The following ASB1 variants were observed in gnomAD, a reference collection of about 807,000 sequenced individuals.
ASB1 encodes the protein ankyrin repeat and SOCS box protein 1.
In ASB1, 18 loss-of-function variants were observed where a neutral mutation model predicts 27.7. The observed-to-expected ratio is 0.65, with a 90% CI of 0.45 to 0.96. The LOEUF is 0.96. Ranked by LOEUF, ASB1 falls within the 50% of genes least tolerant of loss-of-function variation. The pLI, the probability that ASB1 is intolerant of heterozygous loss-of-function variation, is 0.00. For synonymous variants in ASB1, 189 were observed against 187.6 expected, an observed-to-expected ratio of 1.01 and a Z score of -0.06; for missense variants, 397 against 451.7, an observed-to-expected ratio of 0.88 and a Z score of 1.10.
At chr2:238,434,288 C>G (rs1701926105) in intron 2 of ASB1, among the ~76,000 whole-genome samples, 1 of 152,244 alleles carries the variant, frequency 6.6e-6, no homozygotes, top group African/African-American at 2.4e-5. Context: ...TGATGCTTGC[C>G]CTTCCCTCTC....
intron 3 of ASB1, among the ~76,000 whole-genome samples, chr2:238,439,561 C>T (rs1179465694): frequency 6.6e-6 from 1 of 152,202 alleles, no homozygotes; most frequent in Non-Finnish European, 1.5e-5. Context: ...CTGCTCCCCA[C>T]ATATTGTCCT....
intron 3 of ASB1, among the ~76,000 whole-genome samples, chr2:238,441,379 C>T (rs1216347469): frequency 6.6e-6 from 1 of 152,286 alleles, no homozygotes; most frequent in Non-Finnish European, 1.5e-5. Flanking sequence ...AAGTGATCTG[C>T]CTGCCTTGGC....
intron 2 of ASB1, 23 bp downstream of exon 2, chr2:238,433,718 G>C: frequency 6.2e-7 from 1 of 1,612,620 alleles, no homozygotes; most frequent in Non-Finnish European, 8.5e-7. Context: ...GCCCAGGGCT[G>C]GTCCGGGTAC....
Position 238,452,153 on chromosome 2 carries a change from A to C in ASB1, c.*5642A>C, listed in dbSNP as rs980424011. 2 of 152,202 alleles carry C rather than the reference A, an allele frequency of 1.3e-5. No homozygotes were observed. The highest frequency in any genetic ancestry group is 1.5e-5 in the Non-Finnish European group (1 of 68,044). The allele number at this position is 152,202 out of a possible 1,614,324, so 9.4% of individuals were successfully genotyped here. A position where few individuals can be genotyped will look rare whatever the true frequency, so the allele number is the denominator to read the frequency against. ...GTTGTTTTTGGCCCCCTGTTGTTAC[A>C]TGGGACCTGTTTTGACGGTGGGAGG... is the stretch of plus-strand genomic sequence containing the variant. On this transcript the variant is annotated 3_prime_UTR_variant, in exon 5 of 5. Coordinates refer to ENST00000264607, the MANE Select transcript of ASB1 (RefSeq NM_001040445.3).
intron 1 of ASB1, among the ~76,000 whole-genome samples, chr2:238,432,266 G>A (rs1701884588): frequency 6.6e-6 from 1 of 152,096 alleles, no homozygotes; most frequent in Non-Finnish European, 1.5e-5. Context: ...TATTTTTTGT[G>A]ACATCTGATA....
intron 1 of ASB1, among the ~76,000 whole-genome samples, chr2:238,428,376 C>T (rs1701803175): frequency 6.6e-6 from 1 of 152,136 alleles, no homozygotes; most frequent in South Asian, 2.1e-4. Flanking sequence ...CTGCAGCCTC[C>T]GCCTCGGGGG....
At chr2:238,428,581 G>A (rs1701807883) in intron 1 of ASB1, among the ~76,000 whole-genome samples, 1 of 152,234 alleles carries the variant, frequency 6.6e-6, no homozygotes, top group Admixed American at 6.5e-5. Context: ...ACAGGCGGCA[G>A]CCACCACACT....
chr2:238,429,423 A>C (rs911966294), intron 1 of ASB1, among the ~76,000 whole-genome samples: 2 of 152,318 alleles, frequency 1.3e-5, no homozygotes, highest in African/African-American at 4.8e-5. Flanking sequence ...TTTCCTAATA[A>C]GTATCTGATT....
chr2:238,427,115 C>T lies in ASB1; in HGVS notation c.45C>T (p.Ser15=), dbSNP rs1349109618. ...CAGACGGGCGGGCAGGGCCGGGCTC[C>T]GCAGGTAACGTGCGCGCGGCCACTG... ...GSPDGRAGPG[S]AGRNLKEWLR... The change falls in exon 1 of 5, where the codon TCC becomes TCT. Residue 15 remains serine, a synonymous_variant. Coordinates refer to ENST00000264607, the MANE Select transcript of ASB1 (RefSeq NM_001040445.3). The T allele has an allele frequency of 6.4e-6, 8 of 1,252,490 alleles. No homozygotes were observed. Among genetic ancestry groups the T allele is most frequent in the East Asian group, 3.2e-5 (1 of 31,500 alleles). 77.6% of individuals were successfully genotyped at this position (1,252,490 alleles called of 1,614,324 possible).
intron 1 of ASB1, among the ~76,000 whole-genome samples, chr2:238,428,706 G>T (rs775696479): frequency 6.6e-6 from 1 of 152,186 alleles, no homozygotes; most frequent in Non-Finnish European, 1.5e-5. Context: ...CTATCCTGGG[G>T]CAGTTGTGTT....
At position 238,450,190 on chromosome 2, in the gene ASB1, CTG is replaced by C. The variant is rs1427537660; in HGVS notation, c.*3682_*3683del. The C allele has an allele frequency of 2.0e-5, 3 of 152,350 alleles. No individual in the cohort carries two copies. The highest frequency in any genetic ancestry group is 2.0e-4 in the Admixed American group (3 of 15,288). 9.4% of individuals were successfully genotyped at this position (152,350 alleles called of 1,614,324 possible). On this transcript the variant is annotated 3_prime_UTR_variant, in exon 5 of 5. Transcript: ENST00000264607. ...GTGACCCTGGGAGATCCGGGCTGGACTGTGGACCCCGATGGGCCAGAGTCCTT... is the reference window on the plus strand; with the variant it reads ...GTGACCCTGGGAGATCCGGGCTGGACTGGACCCCGATGGGCCAGAGTCCTT...
In ASB1 at chr2:238,450,520, C is replaced by T. The variant is rs1702262486; in HGVS notation, c.*4009C>T. 6.6e-6 allele frequency: 1 copy of T among 152,256 alleles called. No individual in the cohort carries two copies. The highest frequency in any genetic ancestry group is 6.5e-5 in the Admixed American group (1 of 15,288). 9.4% of individuals were successfully genotyped at this position (152,256 alleles called of 1,614,324 possible). ...TCTCTGAAATCCCAAAGTCACGGAA[C>T]CGCAGTCTAGCTGTGGTGCATGTTT... On this transcript the variant is annotated 3_prime_UTR_variant, in exon 5 of 5. Transcript: ENST00000264607.
intron 3 of ASB1, among the ~76,000 whole-genome samples, chr2:238,441,341 G>A: frequency 6.6e-6 from 1 of 152,068 alleles, no homozygotes; most frequent in East Asian, 1.9e-4. Flanking sequence ...TGCCACGTTG[G>A]TCAGGCTGGT....
intron 2 of ASB1, among the ~76,000 whole-genome samples, chr2:238,434,027 T>G (rs887032532): frequency 6.6e-6 from 1 of 152,214 alleles, no homozygotes; most frequent in Non-Finnish European, 1.5e-5. Context: ...CTGCCCCATC[T>G]TGGGTTTCTC....
intron 3 of ASB1, among the ~76,000 whole-genome samples, chr2:238,438,041 T>C (rs1702005272): frequency 6.6e-6 from 1 of 152,288 alleles, no homozygotes; most frequent in East Asian, 1.9e-4. Flanking sequence ...CCTTGGAGAA[T>C]GTAAGCTATT....
intron 2 of ASB1, among the ~76,000 whole-genome samples, chr2:238,434,212 C>T (rs556584451): frequency 2.6e-5 from 4 of 152,338 alleles, no homozygotes; most frequent in Non-Finnish European, 5.9e-5. Context: ...CAGTGGTCCC[C>T]TGTCCTGGCC....
chr2:238,435,777 C>T lies in ASB1; in HGVS notation c.258C>T (p.Ala86=). The T allele has an allele frequency of 6.2e-7, 1 of 1,614,140 alleles. No individual in the cohort carries two copies. The highest frequency in any genetic ancestry group is 1.1e-5 in the South Asian group (1 of 91,086). ...CCTGCACACCGTTGCGAATCGCGGC[C>T]ACTGCAGGCCATGGGAGCTGTGTGG... ...WLPCTPLRIA[A]TAGHGSCVDF... is the part of the protein sequence containing the mutation. The change falls in exon 3 of 5, where the codon GCC becomes GCT. Residue 86 remains alanine (A), a synonymous_variant. Coordinates refer to ENST00000264607, the MANE Select transcript of ASB1 (RefSeq NM_001040445.3).
chr2:238,433,722 C>G, intron 2 of ASB1, 27 bp downstream of exon 2: 1 of 1,611,862 alleles, frequency 6.2e-7, no homozygotes, highest in Non-Finnish European at 8.5e-7. Flanking sequence ...AGGGCTGGTC[C>G]GGGTACTAGG....
In ASB1 at chr2:238,446,920, A is replaced by G. The variant is rs2278768; in HGVS notation, c.*409A>G. The G allele has an allele frequency of 0.14, 25,785 of 180,514 alleles. 3,823 individuals are homozygous for G. The highest frequency in any genetic ancestry group is 0.4 in the African/African-American group (16,579 of 41,630). The allele number at this position is 180,514 out of a possible 1,614,324, so 11.2% of individuals were successfully genotyped here. The stretch of plus-strand genomic sequence containing the variant: ...TCGATTAAAGCCTTCTAGTATCTCA[A>G]TGAAAAGGGAGTTTCGTAAGCAAAA... On this transcript the variant is annotated 3_prime_UTR_variant, in exon 5 of 5. Coordinates refer to ENST00000264607, the MANE Select transcript of ASB1 (RefSeq NM_001040445.3).
Sources: gnomAD v4.1 joint callset for allele counts (sites outside exome capture counted in the v4.1 genomes callset) on GRCh38, gnomAD v4.1.1 for gene constraint, MANE v1.5 for transcripts, NCBI Gene and HGNC (gene_info 2026-07-23, HGNC 2026-07-21) for gene names.